The following N4BP1 variants were observed in gnomAD, a reference collection of about 807,000 sequenced individuals.
The protein encoded by N4BP1 is NEDD4-binding protein 1.
A neutral mutation model predicts 70.9 loss-of-function variants in N4BP1; 21 were observed. The observed-to-expected ratio is 0.30, with a 90% CI of 0.21 to 0.43. The LOEUF is 0.43. Ranked by LOEUF, N4BP1 falls within the 20% of genes least tolerant of loss-of-function variation. The pLI is 1.00. For missense variants in N4BP1, 936 were observed against 1,069.4 expected, an observed-to-expected ratio of 0.88 and a Z score of 1.74; for synonymous variants, 387 against 394.6, an observed-to-expected ratio of 0.98 and a Z score of 0.23.
At chr16:48,584,460 A>C (rs573612197) in intron 1 of N4BP1, among the ~76,000 whole-genome samples, 1 of 152,214 alleles carries the variant, frequency 6.6e-6, no homozygotes, top group East Asian at 1.9e-4. Context: ...CTATTAATAC[A>C]TTAGATTATA....
intron 2 of N4BP1, among the ~76,000 whole-genome samples, chr16:48,555,654 CTG>C (rs892095283): frequency 2.0e-5 from 3 of 152,070 alleles, no homozygotes; most frequent in African/African-American, 4.8e-5. Context: ...AGAAAAAAGA[CTG>C]GGGGTGGTTC....
At chr16:48,583,864 C>T (rs985577701) in intron 1 of N4BP1, among the ~76,000 whole-genome samples, 7 of 152,192 alleles carry the variant, frequency 4.6e-5, no homozygotes, top group Non-Finnish European at 1.0e-4. Context: ...AGCTACTAAA[C>T]TGAGTGTCCC....
chr16:48,561,619 T>C lies in N4BP1; in HGVS notation c.1024A>G (p.Thr342Ala), dbSNP rs746933170. 107 of 1,613,206 alleles carry C rather than the reference T, an allele frequency of 6.6e-5. No individual in the cohort carries two copies. The highest frequency in any genetic ancestry group is 8.6e-5 in the Non-Finnish European group (102 of 1,179,782). ...ENLSPDIKETTEEMEYNILVN... is the reference protein window; with the variant it reads ...ENLSPDIKETAEEMEYNILVN... ...AGGATGTTGTATTCCATTTCCTCAGTAGTTTCTTTTATATCTGGACTTAAA... is the reference window on the plus strand; with the variant it reads ...AGGATGTTGTATTCCATTTCCTCAGCAGTTTCTTTTATATCTGGACTTAAA... The change falls in exon 2 of 7, where the codon ACT becomes GCT. Residue 342 changes from threonine to alanine, a missense_variant. Coordinates refer to ENST00000262384, the MANE Select transcript of N4BP1 (RefSeq NM_153029.4).
intron 4 of N4BP1, among the ~76,000 whole-genome samples, chr16:48,550,633 G>A (rs969322945): frequency 6.6e-6 from 1 of 152,122 alleles, no homozygotes; most frequent in African/African-American, 2.4e-5. Context: ...GCCGGGTGTG[G>A]TGGCTCACAC....
In N4BP1 at chr16:48,543,155, G is replaced by C. The variant is rs772941241; in HGVS notation, c.2440C>G (p.Arg814Gly). ...TGGCTTGAAGGGGCTCCCTGAATCC[G>C]GGTCGGAGGCTGGTGGCTGGTGCTG... ...AASTSHQPPT[R>G]IQGAPSSHWL... is the part of the protein sequence containing the mutation. The change falls in exon 7 of 7, where the codon CGG becomes GGG. Residue 814 changes from arginine (R) to glycine (G), a missense_variant. Arg to Gly is a moderately radical substitution (Grantham distance 125). Coordinates refer to ENST00000262384, the MANE Select transcript of N4BP1 (RefSeq NM_153029.4). 3 of 1,603,470 alleles carry C rather than the reference G, an allele frequency of 1.9e-6. No individual in the cohort carries two copies. The Admixed American group carries it at 5.0e-5, about 27-fold the overall frequency.
At chr16:48,589,639 G>C (rs1455515462) in intron 1 of N4BP1, among the ~76,000 whole-genome samples, 2 of 152,106 alleles carry the variant, frequency 1.3e-5, no homozygotes, top group Admixed American at 6.5e-5. Context: ...AAAACCCATG[G>C]AGTGAGTTGT....
At position 48,561,699 on chromosome 16, in the gene N4BP1, G is replaced by A. The variant is rs1427249328; in HGVS notation, c.944C>T (p.Thr315Ile). ...GTCAGCTATTACATTTCCAGCCAAT[G>A]TCTTAGCATCGTGTAAAATCTCCCC... ...QEGEILHDAK[T>I]LAGNVIADLS... Residue 315 changes from threonine to isoleucine, a missense_variant, in exon 2 of 7, where the codon ACA (threonine) becomes ATA (isoleucine). Physicochemically the swap from Thr to Ile is moderately conservative, Grantham distance 89. Coordinates refer to ENST00000262384, the MANE Select transcript of N4BP1 (RefSeq NM_153029.4). 1 of 1,612,664 alleles carries A rather than the reference G, an allele frequency of 6.2e-7. No homozygotes were observed. The highest frequency in any genetic ancestry group is 8.5e-7 in the Non-Finnish European group (1 of 1,179,866).
intron 1 of N4BP1, among the ~76,000 whole-genome samples, chr16:48,603,127 A>AT (rs201683706): frequency 2.9e-4 from 44 of 151,560 alleles, no homozygotes; most frequent in East Asian, 1.2e-3. Flanking sequence ...CTTTAATTAC[A>AT]TTTTTTTTTC....
intron 6 of N4BP1, 59 bp from the exon 7 acceptor site, chr16:48,543,320 C>T (rs902241239): frequency 2.6e-5 from 35 of 1,363,362 alleles, no homozygotes; most frequent in Non-Finnish European, 3.3e-5. Context: ...AATCATAGAG[C>T]TATTTTAGAA....
At chr16:48,553,933 C>T (rs1209395177) in intron 2 of N4BP1, among the ~76,000 whole-genome samples, 2 of 152,102 alleles carry the variant, frequency 1.3e-5, no homozygotes, top group East Asian at 1.9e-4. Context: ...CAGTGAGCTC[C>T]ATGGTAATAC....
At chr16:48,606,583 C>T (rs1964585317) in intron 1 of N4BP1, among the ~76,000 whole-genome samples, 2 of 152,216 alleles carry the variant, frequency 1.3e-5, no homozygotes, top group Admixed American at 6.5e-5. Flanking sequence ...GACAAATCTT[C>T]CCTTTAACAA....
chr16:48,600,466 A>C, intron 1 of N4BP1: 3 of 614,564 alleles, frequency 4.9e-6, no homozygotes, highest in Non-Finnish European at 3.1e-6. Flanking sequence ...ATCAAACAGA[A>C]ACGCCAAGCT....
Position 48,562,076 on chromosome 16 carries a change from G to C in N4BP1, c.567C>G (p.Leu189=). The C allele has an allele frequency of 6.2e-7, 1 of 1,613,796 alleles. No homozygotes were observed. Among genetic ancestry groups the C allele is most frequent in the Non-Finnish European group, 8.5e-7 (1 of 1,179,858 alleles). The change falls in exon 2 of 7, where the codon CTC becomes CTG. Residue 189 remains leucine (L), a synonymous_variant. Coordinates refer to ENST00000262384, the MANE Select transcript of N4BP1 (RefSeq NM_153029.4). The part of the protein sequence containing the change: ...PTSLKKELLT[L]TQGEENLFET... ...CAAAGAGATTCTCCTCACCTTGTGT[G>C]AGTGTCAAAAGTTCTTTTTTCAAGG...
rs117746530 is a variant in N4BP1, at chr16:48,575,559, G to T, written c.199-13115C>A. ...ACAGCTAAAACCAGAAATGACCAAAGCAGGGGCTCAAGAGTATGCAGGTTT... is the reference window on the plus strand; with the variant it reads ...ACAGCTAAAACCAGAAATGACCAAATCAGGGGCTCAAGAGTATGCAGGTTT... On this transcript the variant is annotated intron_variant, in intron 1 of 6. Coordinates refer to ENST00000262384, the MANE Select transcript of N4BP1 (RefSeq NM_153029.4). 1.4e-3 allele frequency among the ~76,000 whole-genome samples: 208 copies of T among 152,226 alleles called. 2 individuals carry two copies. The highest frequency in any genetic ancestry group is 8.7e-3 in the South Asian group (42 of 4,824).
chr16:48,599,492 A>G (rs1964466120), intron 1 of N4BP1, among the ~76,000 whole-genome samples: 1 of 152,218 alleles, frequency 6.6e-6, no homozygotes, highest in Non-Finnish European at 1.5e-5. Context: ...TTTTGTACCC[A>G]AATCTAGCAA....
intron 1 of N4BP1, among the ~76,000 whole-genome samples, chr16:48,574,640 G>A (rs1193014010): frequency 2.6e-5 from 4 of 151,908 alleles, no homozygotes; most frequent in South Asian, 2.1e-4. Flanking sequence ...CAAAACTCCC[G>A]ACATTTTAAT....
At chr16:48,588,193 G>A (rs894662371) in intron 1 of N4BP1, among the ~76,000 whole-genome samples, 1 of 151,648 alleles carries the variant, frequency 6.6e-6, no homozygotes, top group African/African-American at 2.4e-5. Context: ...ATAATCTCCA[G>A]ATGTTATATA....
chr16:48,606,287 C>A (rs756990230), intron 1 of N4BP1, among the ~76,000 whole-genome samples: 4 of 152,214 alleles, frequency 2.6e-5, no homozygotes, highest in Admixed American at 2.0e-4. Context: ...CCCCTACCCC[C>A]TCATGCCCAA....
rs1445323621 is a variant in N4BP1, at chr16:48,540,780, C to A, written c.*2124G>T. The A allele has an allele frequency of 6.6e-6, 1 of 152,246 alleles. No individual in the cohort carries two copies. The highest frequency in any genetic ancestry group is 1.5e-5 in the Non-Finnish European group (1 of 68,074). 9.4% of individuals were successfully genotyped at this position (152,246 alleles called of 1,614,324 possible). The stretch of plus-strand genomic sequence containing the variant: ...CAGGCTACAGATACTTATGCAGCAG[C>A]CACACTGAGGCTAGTACTGGAGGAG... On this transcript the variant is annotated 3_prime_UTR_variant, in exon 7 of 7. Coordinates refer to ENST00000262384, the MANE Select transcript of N4BP1 (RefSeq NM_153029.4).
Sources: allele counts gnomAD v4.1 joint callset (sites outside exome capture counted in the v4.1 genomes callset), GRCh38; gene constraint gnomAD v4.1.1; transcripts MANE v1.5; gene names NCBI Gene and HGNC (gene_info 2026-07-23, HGNC 2026-07-21).